The following SCD5 variants were observed in gnomAD, a reference collection of about 807,000 sequenced individuals.
SCD5 encodes the protein stearoyl-CoA desaturase 5, also known as acyl-CoA-desaturase 4.
Under a neutral mutation model 30.4 loss-of-function variants are expected in SCD5, and 20 were observed. That is an observed-to-expected ratio of 0.66 (90% CI 0.46 to 0.96). SCD5 has a LOEUF of 0.96. SCD5 is among the 40% of genes least tolerant of loss of function. The pLI is 0.00. For missense variants in SCD5, 381 were observed against 443.3 expected (o/e 0.86, Z 1.26); for synonymous variants, 173 against 176.4 (o/e 0.98, Z 0.16).
intron 1 of SCD5, among the ~76,000 whole-genome samples, chr4:82,764,068 G>A (rs1315281649): frequency 6.6e-6 from 1 of 152,098 alleles, no homozygotes; most frequent in Non-Finnish European, 1.5e-5. Flanking sequence ...GCATATCATT[G>A]GGCCTCACTT....
In SCD5 at chr4:82,631,795, G is replaced by C. The variant is rs562402805; in HGVS notation, c.803-278C>G. Among the ~76,000 whole-genome samples the C allele has an allele frequency of 2.0e-5, 3 of 152,186 alleles. No individual in the cohort carries two copies. In the South Asian group the frequency reaches 6.2e-4, roughly 32 times the overall value. Reference sequence around the variant, plus strand: ...CAGAGCTATCCTTCTTAAGGTAAATGCTAAATGGCTGATAACAGATCATCG... The same window carrying C: ...CAGAGCTATCCTTCTTAAGGTAAATCCTAAATGGCTGATAACAGATCATCG... On this transcript the variant is annotated intron_variant, in intron 4 of 4. Coordinates refer to ENST00000319540, the MANE Select transcript of SCD5 (RefSeq NM_001037582.3).
intron 3 of SCD5, chr4:82,660,834 G>T: frequency 6.2e-7 from 1 of 1,613,162 alleles, no homozygotes; most frequent in Non-Finnish European, 8.5e-7. Flanking sequence ...TATTCTATAC[G>T]TTATCACCAA....
chr4:82,691,632 G>C (rs1728838840), intron 2 of SCD5: 1 of 152,116 alleles, frequency 6.6e-6, no homozygotes, highest in South Asian at 2.1e-4. Flanking sequence ...TGACTTTCAT[G>C]GGCCCCTAGA....
At chr4:82,781,286 T>TG (rs1286943669) in intron 1 of SCD5, among the ~76,000 whole-genome samples, 1 of 151,776 alleles carries the variant, frequency 6.6e-6, no homozygotes, top group East Asian at 1.9e-4. Context: ...CGTGGCGGCG[T>TG]GCTCCTGTAG....
At chr4:82,738,810 T>A (rs1412598959) in intron 1 of SCD5, among the ~76,000 whole-genome samples, 3 of 152,220 alleles carry the variant, frequency 2.0e-5, no homozygotes, top group Non-Finnish European at 1.5e-5. Context: ...ACTTGTTGAG[T>A]ACTTAGGATA....
intron 3 of SCD5, among the ~76,000 whole-genome samples, chr4:82,667,417 C>G (rs1244941550): frequency 6.6e-6 from 1 of 152,008 alleles, no homozygotes; most frequent in Non-Finnish European, 1.5e-5. Flanking sequence ...AATTATGTAC[C>G]ACACTGATTT....
intron 1 of SCD5, among the ~76,000 whole-genome samples, chr4:82,782,363 CA>C (rs1268488757): frequency 2.0e-5 from 3 of 152,044 alleles, no homozygotes; most frequent in Non-Finnish European, 4.4e-5. Flanking sequence ...TCCAGAAATA[CA>C]GTGGAATGAC....
chr4:82,736,733 AC>A lies in SCD5; in HGVS notation c.233-31321del, dbSNP rs370224418. Among the ~76,000 whole-genome samples the A allele has an allele frequency of 2.6e-3, 392 of 152,164 alleles. 1 individual carries two copies. Among genetic ancestry groups the A allele is most frequent in the Middle Eastern group, 0.01 (3 of 294 alleles). ...AGGCTGGAGTGCAGTGATGCCCTCA[AC>A]TCACTGTGGCCTCGACCTTCTGGGC... On this transcript the variant is annotated intron_variant, in intron 1 of 4. Transcript: ENST00000319540.
At chr4:82,795,997 G>A (rs180707786) in intron 1 of SCD5, among the ~76,000 whole-genome samples, 4 of 150,426 alleles carry the variant, frequency 2.7e-5, no homozygotes, top group African/African-American at 9.8e-5. Flanking sequence ...CGGGCCGGGC[G>A]CAGTGGCTCA....
At chr4:82,793,528 G>A (rs1722142936) in intron 1 of SCD5, among the ~76,000 whole-genome samples, 1 of 152,210 alleles carries the variant, frequency 6.6e-6, no homozygotes, top group South Asian at 2.1e-4. Flanking sequence ...CTATGCAAGA[G>A]AGGCTGTGAA....
chr4:82,668,255 A>G (rs1728234011), intron 3 of SCD5, among the ~76,000 whole-genome samples: 1 of 152,172 alleles, frequency 6.6e-6, no homozygotes, highest in Non-Finnish European at 1.5e-5. Context: ...GAAAGAGGCA[A>G]ATAGACAAGA....
intron 1 of SCD5, among the ~76,000 whole-genome samples, chr4:82,767,685 C>T (rs1413176900): frequency 1.3e-5 from 2 of 152,232 alleles, no homozygotes; most frequent in Non-Finnish European, 2.9e-5. Context: ...TTCTGTCATA[C>T]ATCTGGCTTT....
intron 1 of SCD5, among the ~76,000 whole-genome samples, chr4:82,790,195 T>C (rs144571943): frequency 1.1e-3 from 162 of 152,178 alleles, no homozygotes; most frequent in African/African-American, 3.8e-3. Context: ...GGTCTAGAAA[T>C]TGGGCTTGAG....
intron 1 of SCD5, chr4:82,753,538 C>T (rs778500930): frequency 7.0e-6 from 3 of 430,552 alleles, no homozygotes; most frequent in Non-Finnish European, 1.5e-5. Flanking sequence ...GCTGAGTCAC[C>T]TGCGGGGAAG....
Position 82,678,864 on chromosome 4 carries a change from CAT to C in SCD5, c.569+1841_569+1842del, listed in dbSNP as rs1001869543. On this transcript the variant is annotated intron_variant, in intron 3 of 4. Transcript: ENST00000319540. ...CTAATGACCTTCAACATTTTACACT[CAT>C]AGTGAAAATCAACGTCAATAAATCA... is the stretch of plus-strand genomic sequence containing the variant. 4.9e-4 allele frequency among the ~76,000 whole-genome samples: 74 copies of C among 152,242 alleles called. 1 individual carries two copies. The highest frequency in any genetic ancestry group is 1.7e-3 in the African/African-American group (71 of 41,532).
At chr4:82,724,242 C>T (rs1720426596) in intron 1 of SCD5, among the ~76,000 whole-genome samples, 1 of 152,186 alleles carries the variant, frequency 6.6e-6, no homozygotes, top group Non-Finnish European at 1.5e-5. Context: ...TCATCTTTCT[C>T]TTTTTAGGTC....
chr4:82,689,411 C>T (rs1214506696), intron 2 of SCD5, among the ~76,000 whole-genome samples: 1 of 152,072 alleles, frequency 6.6e-6, no homozygotes, highest in East Asian at 1.9e-4. Context: ...AAAAAAGAGG[C>T]ATTTGTAGTG....
intron 1 of SCD5, among the ~76,000 whole-genome samples, chr4:82,742,945 C>T (rs540234140): frequency 2.0e-5 from 3 of 152,208 alleles, no homozygotes; most frequent in African/African-American, 7.2e-5. Context: ...ATTACCCACC[C>T]AGTCCTGGGG....
intron 1 of SCD5, among the ~76,000 whole-genome samples, chr4:82,726,468 C>T (rs116038863): frequency 0.014 from 2,056 of 147,846 alleles, 54 homozygotes; most frequent in African/African-American, 0.048. Context: ...CAAGGTTAAT[C>T]GGGACTTTAT....
Sources: allele counts gnomAD v4.1 joint callset (sites outside exome capture counted in the v4.1 genomes callset), GRCh38; gene constraint gnomAD v4.1.1; transcripts MANE v1.5; gene names NCBI Gene and HGNC (gene_info 2026-07-23, HGNC 2026-07-21).